The following CDKAL1 variants were observed in gnomAD, a reference collection of about 807,000 sequenced individuals.
CDKAL1 encodes the protein CDKAL1 threonylcarbamoyladenosine tRNA methylthiotransferase, also known as threonylcarbamoyladenosine tRNA methylthiotransferase.
A neutral mutation model predicts 68.2 loss-of-function variants in CDKAL1; 32 were observed. The observed-to-expected ratio is 0.47, with a 90% CI of 0.35 to 0.63. The LOEUF (loss-of-function observed/expected upper bound fraction) is 0.63. Ranked by LOEUF, CDKAL1 falls within the 30% of genes least tolerant of loss-of-function variation. The pLI, the probability that CDKAL1 is intolerant of heterozygous loss-of-function variation, is 0.00. For synonymous variants in CDKAL1, 234 were observed against 244.3 expected, an observed-to-expected ratio of 0.96 and a Z score of 0.39; for missense variants, 606 against 696.7, an observed-to-expected ratio of 0.87 and a Z score of 1.47.
intron 14 of CDKAL1, among the ~76,000 whole-genome samples, chr6:21,198,767 C>T (rs1778569607): frequency 6.6e-6 from 1 of 152,182 alleles, no homozygotes; most frequent in African/African-American, 2.4e-5. Flanking sequence ...CTTCCCTGGC[C>T]ATCTAAGTTG....
At chr6:21,123,788 CA>C (rs1774848162) in intron 13 of CDKAL1, among the ~76,000 whole-genome samples, 2 of 152,168 alleles carry the variant, frequency 1.3e-5, no homozygotes, top group Admixed American at 6.5e-5. Context: ...AGATAAGGTC[CA>C]AACCTGAAAG....
chr6:21,054,009 C>T (rs1294990079), intron 11 of CDKAL1, among the ~76,000 whole-genome samples: 2 of 152,110 alleles, frequency 1.3e-5, no homozygotes, highest in East Asian at 1.9e-4. Flanking sequence ...TTGGCACTAT[C>T]GCTAAGAAAT....
chr6:20,689,359 C>T (rs981137096), intron 5 of CDKAL1, among the ~76,000 whole-genome samples: 1 of 152,192 alleles, frequency 6.6e-6, no homozygotes, highest in Non-Finnish European at 1.5e-5. Flanking sequence ...TTTTCCTACC[C>T]TAACACTCGT....
chr6:20,987,547 G>A (rs561573650), intron 10 of CDKAL1, among the ~76,000 whole-genome samples: 14 of 152,194 alleles, frequency 9.2e-5, no homozygotes, highest in East Asian at 7.7e-4. Context: ...GTGAGACACC[G>A]TGCCTGGCTA....
chr6:20,577,590 T>G lies in CDKAL1; in HGVS notation c.286+28885T>G, dbSNP rs183731244. Among the ~76,000 whole-genome samples, 118 of 152,340 alleles carry G rather than the reference T, an allele frequency of 7.7e-4. 3 individuals carry two copies. The highest frequency in any genetic ancestry group is 6.8e-3 in the Middle Eastern group (2 of 294). On this transcript the variant is annotated intron_variant, in intron 4 of 15. Transcript: ENST00000274695. ...AATGGAATAGGTGCTCAGTAAGTGC[T>G]TGTTGTGTGAATGACTGAATGAATG...
At chr6:20,911,565 G>T (rs1056277759) in intron 9 of CDKAL1, among the ~76,000 whole-genome samples, 4 of 152,196 alleles carry the variant, frequency 2.6e-5, no homozygotes, top group African/African-American at 9.7e-5. Flanking sequence ...CTACAAGTAA[G>T]GTTTTCACAT....
chr6:20,882,943 G>T (rs1427390829), intron 9 of CDKAL1, among the ~76,000 whole-genome samples: 1 of 151,900 alleles, frequency 6.6e-6, no homozygotes, highest in Non-Finnish European at 1.5e-5. Flanking sequence ...TTTATTTTTT[G>T]ATTTACATTT....
chr6:20,558,378 C>T (rs187429724), intron 4 of CDKAL1, among the ~76,000 whole-genome samples: 81 of 152,250 alleles, frequency 5.3e-4, no homozygotes, highest in Middle Eastern at 3.4e-3. Flanking sequence ...AATAAAACAG[C>T]TCACAGTGTT....
chr6:21,212,711 T>C (rs1448768422), intron 15 of CDKAL1, among the ~76,000 whole-genome samples: 1 of 152,206 alleles, frequency 6.6e-6, no homozygotes, highest in African/African-American at 2.4e-5. Context: ...TTCATTATTT[T>C]TAAATTTTTA....
At chr6:20,603,715 A>G (rs1766205967) in intron 4 of CDKAL1, among the ~76,000 whole-genome samples, 1 of 150,738 alleles carries the variant, frequency 6.6e-6, no homozygotes, top group Non-Finnish European at 1.5e-5. Context: ...CTATGTCTGC[A>G]GTAGGAGATG....
intron 5 of CDKAL1, among the ~76,000 whole-genome samples, chr6:20,675,096 G>A (rs562595764): frequency 5.0e-4 from 76 of 151,448 alleles, no homozygotes; most frequent in African/African-American, 1.7e-3. Context: ...TTGTATTCTT[G>A]GCAAAAAATA....
At chr6:21,230,509 A>ATCTC (rs1281963247) in intron 15 of CDKAL1, among the ~76,000 whole-genome samples, 1 of 152,148 alleles carries the variant, frequency 6.6e-6, no homozygotes, top group East Asian at 1.9e-4. Flanking sequence ...ATATGGTTGC[A>ATCTC]TCTCTCTAAG....
intron 4 of CDKAL1, among the ~76,000 whole-genome samples, chr6:20,612,723 G>A (rs1012737077): frequency 6.6e-6 from 1 of 151,822 alleles, no homozygotes; most frequent in Non-Finnish European, 1.5e-5. Context: ...TTTTCTTGCT[G>A]TGCAGAAGCT....
intron 4 of CDKAL1, among the ~76,000 whole-genome samples, chr6:20,619,579 T>C (rs1561972451): frequency 6.6e-6 from 1 of 152,178 alleles, no homozygotes; most frequent in South Asian, 2.1e-4. Context: ...CTTGCAGCAA[T>C]ATAAAATAAA....
At chr6:20,721,061 G>A (rs937777499) in intron 5 of CDKAL1, among the ~76,000 whole-genome samples, 2 of 152,004 alleles carry the variant, frequency 1.3e-5, no homozygotes, top group Admixed American at 1.3e-4. Flanking sequence ...TGCTGCACCC[G>A]TTAACTGGTC....
At chr6:21,075,986 A>G (rs945906757) in intron 12 of CDKAL1, among the ~76,000 whole-genome samples, 2 of 152,184 alleles carry the variant, frequency 1.3e-5, no homozygotes, top group African/African-American at 4.8e-5. Context: ...ACATCTACCT[A>G]CTTGCTTGTC....
At chr6:20,572,886 A>G (rs985770499) in intron 4 of CDKAL1, among the ~76,000 whole-genome samples, 1 of 152,158 alleles carries the variant, frequency 6.6e-6, no homozygotes, top group African/African-American at 2.4e-5. Flanking sequence ...AAAAAGAAAA[A>G]AACTAGGCCC....
At chr6:20,664,093 G>A (rs989057181) in intron 5 of CDKAL1, among the ~76,000 whole-genome samples, 3 of 152,010 alleles carry the variant, frequency 2.0e-5, no homozygotes, top group Admixed American at 6.6e-5. Flanking sequence ...GGATATTAAC[G>A]CTATCAAATT....
chr6:21,195,452 C>T (rs1242942157), intron 13 of CDKAL1, among the ~76,000 whole-genome samples: 1 of 151,768 alleles, frequency 6.6e-6, no homozygotes, highest in South Asian at 2.1e-4. Flanking sequence ...CATGAGCCAT[C>T]GTGCCTGGCC....
Sources: gnomAD v4.1 joint callset for allele counts (sites outside exome capture counted in the v4.1 genomes callset) on GRCh38, gnomAD v4.1.1 for gene constraint, MANE v1.5 for transcripts, NCBI Gene and HGNC (gene_info 2026-07-23, HGNC 2026-07-21) for gene names.